The following NFAM1 variants were observed in gnomAD, a reference collection of about 807,000 sequenced individuals.
NFAM1 encodes NFAT activating protein with ITAM motif 1, also known as NFAT activation molecule 1.
A neutral mutation model predicts 29.0 loss-of-function variants in NFAM1; 17 were observed. The ratio of observed to expected loss-of-function variants is 0.59; its 90% CI spans 0.40 to 0.88. The LOEUF (loss-of-function observed/expected upper bound fraction) is 0.88. NFAM1 is among the 40% of genes least tolerant of loss of function. NFAM1 has a pLI of 0.00. For synonymous variants in NFAM1, 175 were observed against 147.2 expected, an observed-to-expected ratio of 1.19 and a Z score of -1.36; for missense variants, 324 against 344.6, an observed-to-expected ratio of 0.94 and a Z score of 0.47.
chr22:42,385,008 G>C lies in NFAM1; in HGVS notation c.*153C>G, dbSNP rs1929085311. ...TGGGGCATAGAATGGGGGGGCAGTG[G>C]GGCCGGCCAAGACAGGAAGGGCCTT... On this transcript the variant is annotated 3_prime_UTR_variant, in exon 6 of 6. Coordinates refer to ENST00000329021, the MANE Select transcript of NFAM1 (RefSeq NM_145912.8). 2.3e-5 allele frequency: 16 copies of C among 705,672 alleles called. No individual in the cohort carries two copies. The South Asian group carries it at 2.5e-4, about 11-fold the overall frequency. 43.7% of individuals were successfully genotyped at this position (705,672 alleles called of 1,614,324 possible).
At chr22:42,413,368 G>A (rs955742501) in intron 1 of NFAM1, among the ~76,000 whole-genome samples, 1 of 152,192 alleles carries the variant, frequency 6.6e-6, no homozygotes, top group African/African-American at 2.4e-5. Context: ...GTCCCAAAGG[G>A]AGGCCAGCCT....
intron 4 of NFAM1, among the ~76,000 whole-genome samples, chr22:42,390,036 T>G (rs1341748855): frequency 6.6e-6 from 1 of 151,944 alleles, no homozygotes; most frequent in Admixed American, 6.5e-5. Flanking sequence ...ATCAGAGTCG[T>G]GTGTTAGAAA....
chr22:42,415,420 C>T (rs1236790149), intron 1 of NFAM1, among the ~76,000 whole-genome samples: 2 of 151,534 alleles, frequency 1.3e-5, no homozygotes, highest in Non-Finnish European at 2.9e-5. Context: ...CTGCCTCAGC[C>T]TTCCGAGCAG....
Position 42,383,186 on chromosome 22 carries a change from G to T in NFAM1, c.*1975C>A. The T allele has an allele frequency of 6.5e-6, 1 of 152,762 alleles. No homozygotes were observed. The highest frequency in any genetic ancestry group is 1.5e-5 in the Non-Finnish European group (1 of 68,372). 9.5% of individuals were successfully genotyped at this position (152,762 alleles called of 1,614,324 possible). On this transcript the variant is annotated 3_prime_UTR_variant, in exon 6 of 6. Transcript: ENST00000329021. ...CTGGAAAATGCTGAGTCCCAGCCAAGGGTCCAGGGTCTAGGAGCTGAGGTC... is the reference window on the plus strand; with the variant it reads ...CTGGAAAATGCTGAGTCCCAGCCAATGGTCCAGGGTCTAGGAGCTGAGGTC...
At chr22:42,434,905 A>G (rs1443021881), upstream of NFAM1, among the ~76,000 whole-genome samples, 1 of 152,192 alleles carries the variant, frequency 6.6e-6, no homozygotes, top group Admixed American at 6.5e-5. Flanking sequence ...TTATCCGTGC[A>G]TCTATGCCTC....
chr22:42,390,365 T>C lies in NFAM1; in HGVS notation c.664-3287A>G, dbSNP rs1929292986. 2.6e-5 allele frequency among the ~76,000 whole-genome samples: 4 copies of C among 151,828 alleles called. No individual in the cohort carries two copies. In the South Asian group the frequency reaches 8.3e-4, roughly 32 times the overall value. The stretch of plus-strand genomic sequence containing the variant: ...GTGCCAGGAGGCTCTAGATTGACAA[T>C]AATCACAGTAAAAGGTAGCCATGAA... On this transcript the variant is annotated intron_variant, in intron 4 of 5. Transcript: ENST00000329021.
chr22:42,404,197 G>A (rs375039399), intron 3 of NFAM1, among the ~76,000 whole-genome samples: 8 of 152,204 alleles, frequency 5.3e-5, no homozygotes, highest in African/African-American at 1.9e-4. Context: ...GCCCCGGGAG[G>A]CAATGCCATT....
intron 4 of NFAM1, 44 bp from the exon 5 acceptor site, chr22:42,387,122 G>T: frequency 1.7e-6 from 2 of 1,184,746 alleles, no homozygotes; most frequent in South Asian, 1.3e-5. Context: ...GTGTGTAGAG[G>T]GGCAGTCCCT....
At chr22:42,408,252 A>G (rs1009995388) in intron 3 of NFAM1, among the ~76,000 whole-genome samples, 3 of 152,210 alleles carry the variant, frequency 2.0e-5, no homozygotes, top group African/African-American at 7.2e-5. Flanking sequence ...TGCCTAGAAC[A>G]GGGCCTGGAA....
At chr22:42,399,521 C>T (rs999291434) in intron 3 of NFAM1, among the ~76,000 whole-genome samples, 2 of 151,458 alleles carry the variant, frequency 1.3e-5, no homozygotes, top group East Asian at 3.9e-4. Context: ...GAGAGAGGAG[C>T]CTGCCTGGGA....
At chr22:42,421,552 A>G (rs1930447175) in intron 1 of NFAM1, among the ~76,000 whole-genome samples, 1 of 151,430 alleles carries the variant, frequency 6.6e-6, no homozygotes, top group African/African-American at 2.4e-5. Flanking sequence ...CGTCCCTCAC[A>G]CTCTGCTCCA....
rs910178363 is a variant in NFAM1, at chr22:42,420,014, T to G, written c.122-8278A>C. 1.0e-3 allele frequency among the ~76,000 whole-genome samples: 143 copies of G among 139,666 alleles called. 3 individuals are homozygous for G. Among genetic ancestry groups the G allele is most frequent in the African/African-American group, 2.3e-3 (86 of 37,172 alleles). 91.6% of individuals were successfully genotyped at this position (139,666 alleles called of 152,430 possible). A position where few individuals can be genotyped will look rare whatever the true frequency, so the allele number is the denominator to read the frequency against. The stretch of plus-strand genomic sequence containing the variant: ...GGTTTTTTTTTTTTTTTTTTTTTTT[T>G]TTTTTTTTTTTTCTGAGGCAGAATT... On this transcript the variant is annotated intron_variant, in intron 1 of 5. Coordinates refer to ENST00000329021, the MANE Select transcript of NFAM1 (RefSeq NM_145912.8).
At position 42,412,221 on chromosome 22, in the gene NFAM1, A is replaced by G. The variant is rs139357465; in HGVS notation, c.122-485T>C. Among the ~76,000 whole-genome samples, 13 of 152,164 alleles carry G rather than the reference A, an allele frequency of 8.5e-5. No homozygotes were observed. In the East Asian group the frequency reaches 2.5e-3, roughly 29 times the overall value. The stretch of plus-strand genomic sequence containing the variant: ...CACTCTAGCCTGGGCGACAAGAGCA[A>G]GAGTCCGTCTCAGAAAAAAAAAAAA... On this transcript the variant is annotated intron_variant, in intron 1 of 5. Coordinates refer to ENST00000329021, the MANE Select transcript of NFAM1 (RefSeq NM_145912.8).
intron 1 of NFAM1, among the ~76,000 whole-genome samples, chr22:42,425,777 C>T (rs899050924): frequency 6.6e-6 from 1 of 152,250 alleles, no homozygotes; most frequent in African/African-American, 2.4e-5. Context: ...GCTTTTCTCA[C>T]ACAGCCTGCC....
chr22:42,432,201 C>T (rs769530630), intron 1 of NFAM1, 36 bp downstream of exon 1: 28 of 1,538,866 alleles, frequency 1.8e-5, no homozygotes, highest in South Asian at 1.8e-4. Flanking sequence ...TGTTCTGGAG[C>T]GAGAGAGTAG....
intron 4 of NFAM1, among the ~76,000 whole-genome samples, chr22:42,395,468 C>T (rs1929488891): frequency 6.7e-6 from 1 of 149,432 alleles, no homozygotes; most frequent in Non-Finnish European, 1.5e-5. Flanking sequence ...AAAAGCAAGA[C>T]TCTGTCTCAA....
At chr22:42,392,079 T>C (rs1016002063) in intron 4 of NFAM1, among the ~76,000 whole-genome samples, 1 of 151,568 alleles carries the variant, frequency 6.6e-6, no homozygotes, top group African/African-American at 2.4e-5. Flanking sequence ...TGTCAGGATA[T>C]AGATGGTCTT....
At chr22:42,426,369 A>C in intron 1 of NFAM1, among the ~76,000 whole-genome samples, 1 of 152,176 alleles carries the variant, frequency 6.6e-6, no homozygotes, top group South Asian at 2.1e-4. Context: ...CGTGGGGAGC[A>C]GAAACAGCCA....
intron 4 of NFAM1, among the ~76,000 whole-genome samples, chr22:42,395,417 A>G (rs929769812): frequency 6.6e-6 from 1 of 152,046 alleles, no homozygotes; most frequent in Non-Finnish European, 1.5e-5. Context: ...CAGAGGTTGA[A>G]GTGAGCTGAG....
Sources: allele counts gnomAD v4.1 joint callset (sites outside exome capture counted in the v4.1 genomes callset), GRCh38; gene constraint gnomAD v4.1.1; transcripts MANE v1.5; gene names NCBI Gene and HGNC (gene_info 2026-07-23, HGNC 2026-07-21).